SMAD9: variants seen among roughly 807,000 people sequenced by gnomAD.
SMAD9 encodes the protein SMAD family member 9.
A neutral mutation model predicts 46.1 loss-of-function variants in SMAD9; 36 were observed. The observed-to-expected ratio is 0.78, with a 90% CI of 0.60 to 1.03. The LOEUF (loss-of-function observed/expected upper bound fraction) is 1.03. Among genes scored for constraint, SMAD9 ranks in the 50% least tolerant of loss-of-function variants. The probability of loss-of-function intolerance (pLI) is 0.00; values close to 1 mark genes in which losing one functional copy is unlikely to be tolerated. For synonymous variants in SMAD9, 245 were observed against 237.1 expected (o/e 1.03, Z -0.31); for missense variants, 572 against 599.8 (o/e 0.95, Z 0.48).
At chr13:36,905,815 A>AAAAC in intron 1 of SMAD9, among the ~76,000 whole-genome samples, 1 of 102,816 alleles carries the variant, frequency 9.7e-6, no homozygotes. Flanking sequence ...AAAAAAAAAA[A>AAAAC]CTTATATCCT....
chr13:36,867,518 T>G (rs1007715135), intron 3 of SMAD9, 135 bp from the exon 4 acceptor site: 3 of 562,594 alleles, frequency 5.3e-6, no homozygotes, highest in Non-Finnish European at 9.4e-6. Flanking sequence ...CATATTAATG[T>G]AACAAGGCTC....
rs1254321174 is a variant in SMAD9, at chr13:36,869,619, G to C, written c.671-2236C>G. On this transcript the variant is annotated intron_variant, in intron 3 of 6. Coordinates refer to ENST00000379826, the MANE Select transcript of SMAD9 (RefSeq NM_001127217.3). ...AGGCCGAGGCGGGTGGATCACCTGAGGTCAGGAGTTCATGACCAGCCTAAC... is the reference window on the plus strand; with the variant it reads ...AGGCCGAGGCGGGTGGATCACCTGACGTCAGGAGTTCATGACCAGCCTAAC... Among the ~76,000 whole-genome samples the C allele has an allele frequency of 3.3e-5, 5 of 152,070 alleles. No homozygotes were observed. In the South Asian group the frequency reaches 6.2e-4, roughly 19 times the overall value.
rs71198437 is a variant in SMAD9 at position 36,866,346 on chromosome 13, GA to G, written c.782-589del. ...CTTTGTGGATATCTAGTTATGCATG[GA>G]AAAAAAAAAACATTTAAAGAGAGCT... On this transcript the variant is annotated intron_variant, in intron 4 of 6. Transcript: ENST00000379826. Among the ~76,000 whole-genome samples the G allele has an allele frequency of 4.6e-3, 656 of 143,656 alleles. 2 individuals are homozygous for G. The highest frequency in any genetic ancestry group is 0.01 in the African/African-American group (403 of 39,484). 94.2% of individuals were successfully genotyped at this position (143,656 alleles called of 152,430 possible).
intron 5 of SMAD9, among the ~76,000 whole-genome samples, chr13:36,855,251 C>CAAAAAA (rs1198605048): frequency 6.2e-3 from 279 of 45,342 alleles, no homozygotes; most frequent in Non-Finnish European, 7.6e-3. Flanking sequence ...GAGTCCATCT[C>CAAAAAA]AAAAAAAAAA....
intron 1 of SMAD9, among the ~76,000 whole-genome samples, chr13:36,888,739 G>T (rs923930642): frequency 2.6e-5 from 4 of 152,188 alleles, no homozygotes; most frequent in African/African-American, 9.7e-5. Flanking sequence ...CATGACACTT[G>T]GCACCTGGAA....
intron 1 of SMAD9, among the ~76,000 whole-genome samples, chr13:36,896,043 C>T (rs779376382): frequency 2.0e-5 from 3 of 152,064 alleles, no homozygotes; most frequent in Admixed American, 6.6e-5. Flanking sequence ...ATGTAAAAGG[C>T]GGAAAATTAA....
intron 1 of SMAD9, among the ~76,000 whole-genome samples, chr13:36,893,022 G>C (rs1309734246): frequency 2.0e-5 from 3 of 152,144 alleles, no homozygotes; most frequent in Non-Finnish European, 2.9e-5. Flanking sequence ...GGATTGGCAA[G>C]TGTTGATAAG....
At chr13:36,911,216 T>C (rs772742131) in intron 1 of SMAD9, among the ~76,000 whole-genome samples, 2 of 151,948 alleles carry the variant, frequency 1.3e-5, no homozygotes, top group Non-Finnish European at 2.9e-5. Context: ...CACCATGTTG[T>C]CCAGGCTGGT....
intron 1 of SMAD9, among the ~76,000 whole-genome samples, chr13:36,904,039 G>A (rs1451324295): frequency 6.6e-6 from 1 of 152,188 alleles, no homozygotes; most frequent in African/African-American, 2.4e-5. Flanking sequence ...TATGTAAACT[G>A]CCACTGAATA....
rs1411476301 is a variant in SMAD9, at chr13:36,872,749, G to C, written c.579C>G (p.Pro193=). The C allele has an allele frequency of 6.2e-7, 1 of 1,614,100 alleles. No homozygotes were observed. Among genetic ancestry groups the C allele is most frequent in the Non-Finnish European group, 8.5e-7 (1 of 1,180,024 alleles). ...QPPCSALPPS[P]SHAFSQSPCT... is the part of the protein sequence containing the mutation. ...ACGGGGACTGGGAGAACGCGTGGCT[G>C]GGTGAGGGAGGGAGTGCAGAGCACG... The change falls in exon 3 of 7, where the codon CCC becomes CCG. Residue 193 remains proline, a synonymous_variant. Transcript: ENST00000379826.
rs1403337943 is a variant in SMAD9 at position 36,906,543 on chromosome 13, TCAA to T, written c.-187+13570_-187+13572del. Among the ~76,000 whole-genome samples, 8 of 152,066 alleles carry T rather than the reference TCAA, an allele frequency of 5.3e-5. No individual in the cohort carries two copies. The South Asian group carries it at 8.3e-4, about 16-fold the overall frequency. On this transcript the variant is annotated intron_variant, in intron 1 of 6. Transcript: ENST00000379826. ...GAATATATTTAAAAATTCTTAAAAC[TCAA>T]CAACAACAAAAAACAAACCACCCAA...
intron 3 of SMAD9, among the ~76,000 whole-genome samples, chr13:36,872,308 C>T (rs573325117): frequency 6.6e-6 from 1 of 150,794 alleles, no homozygotes; most frequent in Admixed American, 6.6e-5. Flanking sequence ...TTCCATGTTG[C>T]TTGTCCTCAG....
intron 1 of SMAD9, among the ~76,000 whole-genome samples, chr13:36,905,892 C>CTTGCTATGTCTCAAGACA (rs1228733151): frequency 6.3e-4 from 88 of 139,090 alleles, no homozygotes; most frequent in African/African-American, 2.2e-3. Flanking sequence ...GCTATATTTT[C>CTTGCTATGTCTCAAGACA]TTGCTATGTC....
chr13:36,905,378 T>C (rs747620056), intron 1 of SMAD9, among the ~76,000 whole-genome samples: 43 of 152,174 alleles, frequency 2.8e-4, no homozygotes, highest in Non-Finnish European at 5.4e-4. Context: ...GTATCTTCTT[T>C]TGTTAGTTAC....
At chr13:36,849,136 C>T (rs557794998) in intron 6 of SMAD9, among the ~76,000 whole-genome samples, 4 of 152,252 alleles carry the variant, frequency 2.6e-5, no homozygotes, top group Non-Finnish European at 5.9e-5. Context: ...GAAACTTGAC[C>T]TTTTGTTCAC....
chr13:36,907,527 T>C (rs1227735663), intron 1 of SMAD9, among the ~76,000 whole-genome samples: 5 of 152,020 alleles, frequency 3.3e-5, no homozygotes, highest in Non-Finnish European at 1.5e-5. Context: ...TGTTTTTGAT[T>C]AGCCAGGCGT....
At chr13:36,866,093 C>T (rs2058231657) in intron 4 of SMAD9, among the ~76,000 whole-genome samples, 1 of 152,150 alleles carries the variant, frequency 6.6e-6, no homozygotes. Context: ...GCAAGCACAG[C>T]TCAAAGGAAG....
intron 1 of SMAD9, among the ~76,000 whole-genome samples, chr13:36,911,207 A>T (rs1457112855): frequency 6.6e-6 from 1 of 151,980 alleles, no homozygotes. Flanking sequence ...AAGGGTTTTC[A>T]CCATGTTGTC....
Position 36,847,472 on chromosome 13 carries a change from T to C in SMAD9, c.*1204A>G, listed in dbSNP as rs533910416. On this transcript the variant is annotated 3_prime_UTR_variant, in exon 7 of 7. Coordinates refer to ENST00000379826, the MANE Select transcript of SMAD9 (RefSeq NM_001127217.3). ...TAATATTGTGTATATTTTTAAAAGA[T>C]GTCTTATTATTCAGTACCACTGTTC... 1 of 152,338 alleles carries C rather than the reference T, an allele frequency of 6.6e-6. No homozygotes were observed. The highest frequency in any genetic ancestry group is 1.9e-4 in the East Asian group (1 of 5,186). 9.4% of individuals were successfully genotyped at this position (152,338 alleles called of 1,614,324 possible).
Sources: gnomAD v4.1 joint callset for allele counts (sites outside exome capture counted in the v4.1 genomes callset) on GRCh38, gnomAD v4.1.1 for gene constraint, MANE v1.5 for transcripts, NCBI Gene and HGNC (gene_info 2026-07-23, HGNC 2026-07-21) for gene names.